Variants in RBM26 observed in about 807,000 individuals in gnomAD.
RBM26 encodes the protein RNA binding motif protein 26, also known as RNA-binding protein 26.
Under a neutral mutation model 123.6 loss-of-function variants are expected in RBM26, and 30 were observed. The observed-to-expected ratio is 0.24, with a 90% CI of 0.18 to 0.33. The LOEUF is 0.33. Ranked by LOEUF, RBM26 falls within the 10% of genes least tolerant of loss-of-function variation. The pLI is 1.00. For missense variants in RBM26, 947 were observed against 1,203.6 expected (o/e 0.79, Z 3.15); for synonymous variants, 400 against 404.4 (o/e 0.99, Z 0.13).
rs115170468 is a variant in RBM26 at position 79,378,990 on chromosome 13, T to C, written c.72-83A>G. On this transcript the variant is annotated intron_variant, in intron 1 of 21. Transcript: ENST00000438737. ...CAGTTACAAACTGAATTAGTGAGAA[T>C]AATAGTTAAGTGAGTTAATACATGT... The C allele has an allele frequency of 8.3e-4, 717 of 859,546 alleles. 4 individuals carry two copies. In the African/African-American group the frequency reaches 0.011, roughly 13 times the overall value. The allele number at this position is 859,546 out of a possible 1,614,324, so 53.2% of individuals were successfully genotyped here.
intron 1 of RBM26, among the ~76,000 whole-genome samples, chr13:79,402,175 A>G (rs1345581772): frequency 6.6e-6 from 1 of 152,170 alleles, no homozygotes; most frequent in African/African-American, 2.4e-5. Flanking sequence ...ATCAAAACGA[A>G]ATGTTAGAAA....
chr13:79,389,048 A>AT (rs200581316), intron 1 of RBM26, among the ~76,000 whole-genome samples: 10 of 152,294 alleles, frequency 6.6e-5, no homozygotes, highest in Admixed American at 1.3e-4. Flanking sequence ...GATTTTATAA[A>AT]TTTTTTTATC....
At chr13:79,400,821 T>A (rs2079001292) in intron 1 of RBM26, among the ~76,000 whole-genome samples, 2 of 152,132 alleles carry the variant, frequency 1.3e-5, no homozygotes, top group African/African-American at 4.8e-5. Flanking sequence ...AACACTGAGG[T>A]AAGTAATTTT....
At chr13:79,393,364 T>C (rs1448998358) in intron 1 of RBM26, among the ~76,000 whole-genome samples, 2 of 152,202 alleles carry the variant, frequency 1.3e-5, no homozygotes, top group Non-Finnish European at 1.5e-5. Context: ...AAGTGTACTT[T>C]ACTTCCTTTC....
intron 1 of RBM26, among the ~76,000 whole-genome samples, chr13:79,380,986 G>A (rs2077030720): frequency 6.6e-6 from 1 of 151,838 alleles, no homozygotes; most frequent in Admixed American, 6.6e-5. Flanking sequence ...TTATAACTAA[G>A]CTAAAATTAT....
In RBM26 at chr13:79,319,504, C is replaced by T. The variant is rs1302945577; in HGVS notation, c.*1117G>A. 7 of 984,000 alleles carry T rather than the reference C, an allele frequency of 7.1e-6. No homozygotes were observed. The highest frequency in any genetic ancestry group is 7.2e-6 in the Non-Finnish European group (6 of 829,006). The allele number at this position is 984,000 out of a possible 1,614,324, so 61.0% of individuals were successfully genotyped here. ...GATTTTTATACAAGTATAGGAAGTA[C>T]ACACTTAAAATATCAGACTGGAACA... On this transcript the variant is annotated 3_prime_UTR_variant, in exon 22 of 22. Transcript: ENST00000438737.
At chr13:79,369,630 A>T (rs940819151) in intron 5 of RBM26, among the ~76,000 whole-genome samples, 18 of 152,210 alleles carry the variant, frequency 1.2e-4, no homozygotes, top group Non-Finnish European at 2.2e-4. Context: ...TAGCAAAAAA[A>T]GTTTGAGAAA....
chr13:79,365,053 A>G (rs1436302933), intron 9 of RBM26, among the ~76,000 whole-genome samples: 1 of 152,166 alleles, frequency 6.6e-6, no homozygotes, highest in African/African-American at 2.4e-5. Context: ...TGGACAGTGT[A>G]ATAATTGTAT....
intron 3 of RBM26, among the ~76,000 whole-genome samples, chr13:79,372,225 G>C (rs2075965144): frequency 6.6e-6 from 1 of 152,218 alleles, no homozygotes; most frequent in African/African-American, 2.4e-5. Flanking sequence ...GTTGCAGTGA[G>C]CTGAGATCGC....
At chr13:79,365,785 ATAAGAG>A in intron 8 of RBM26, 67 bp from the exon 9 acceptor site, 1 of 1,368,008 alleles carries the variant, frequency 7.3e-7, no homozygotes, top group Non-Finnish European at 1.0e-6. Context: ...TTTAATATTG[ATAAGAG>A]AAAAAGTAAA....
chr13:79,339,084 A>G (rs1378980329), intron 18 of RBM26, among the ~76,000 whole-genome samples: 1 of 152,204 alleles, frequency 6.6e-6, no homozygotes, highest in Non-Finnish European at 1.5e-5. Flanking sequence ...TCTGCATCTC[A>G]AGACAGTTAA....
chr13:79,355,815 T>C (rs756085935), intron 11 of RBM26, among the ~76,000 whole-genome samples: 2 of 151,426 alleles, frequency 1.3e-5, no homozygotes, highest in African/African-American at 2.4e-5. Flanking sequence ...TTGCCCAAAT[T>C]TGTAATTCTC....
At chr13:79,342,006 A>T (rs1441873776) in intron 17 of RBM26, among the ~76,000 whole-genome samples, 2 of 151,980 alleles carry the variant, frequency 1.3e-5, no homozygotes, top group African/African-American at 4.8e-5. Context: ...TTGTTGTAGC[A>T]ATTTTTGAGC....
chr13:79,388,818 A>G (rs533188836), intron 1 of RBM26, among the ~76,000 whole-genome samples: 1 of 152,362 alleles, frequency 6.6e-6, no homozygotes, highest in South Asian at 2.1e-4. Context: ...ACTTGAGATC[A>G]TTAAAGAAAG....
chr13:79,355,804 A>G (rs2073905394), intron 11 of RBM26, among the ~76,000 whole-genome samples: 1 of 152,046 alleles, frequency 6.6e-6, no homozygotes, highest in Non-Finnish European at 1.5e-5. Context: ...CATCTGAACA[A>G]TTGCCCAAAT....
Position 79,319,807 on chromosome 13 carries a change from T to G in RBM26, c.*814A>C. ...TTGTAAGGGTACCAGTAACCATTAT[T>G]ATTAAGAATAAGTTAGTGATTATAG... On this transcript the variant is annotated 3_prime_UTR_variant, in exon 22 of 22. Coordinates refer to ENST00000438737, the MANE Select transcript of RBM26 (RefSeq NM_001366735.2). The G allele has an allele frequency of 1.0e-6, 1 of 978,994 alleles. No individual in the cohort carries two copies. Among genetic ancestry groups the G allele is most frequent in the Non-Finnish European group, 1.2e-6 (1 of 824,388 alleles). The allele number at this position is 978,994 out of a possible 1,614,324, so 60.6% of individuals were successfully genotyped here. A position where few individuals can be genotyped will look rare whatever the true frequency, so the allele number is the denominator to read the frequency against.
chr13:79,320,742 C>CAA (rs34668220), intron 21 of RBM26, 32 bp from the exon 22 acceptor site: 35,712 of 1,072,248 alleles, frequency 0.033, 1 homozygote, highest in East Asian at 0.053. Flanking sequence ...GGAATTTACC[C>CAA]AAAAAAAAAA....
chr13:79,370,515 ATCTGGC>A (rs2075773725), intron 5 of RBM26, among the ~76,000 whole-genome samples: 1 of 152,158 alleles, frequency 6.6e-6, no homozygotes, highest in South Asian at 2.1e-4. Context: ...CTGTTTCTAG[ATCTGGC>A]TCTTACAAAT....
chr13:79,318,709 GA>G, downstream of RBM26: 1 of 748,064 alleles, frequency 1.3e-6, no homozygotes, highest in African/African-American at 1.9e-5. Flanking sequence ...CATTGTAAGG[GA>G]ATTTTATAAT....
Sources: gnomAD v4.1 joint callset for allele counts (sites outside exome capture counted in the v4.1 genomes callset) on GRCh38, gnomAD v4.1.1 for gene constraint, MANE v1.5 for transcripts, NCBI Gene and HGNC (gene_info 2026-07-23, HGNC 2026-07-21) for gene names.